Variants in KRIT1 observed in about 807,000 individuals in gnomAD.
The protein encoded by KRIT1 is KRIT1 ankyrin repeat containing.
In KRIT1, 45 loss-of-function variants were observed where a neutral mutation model predicts 95.8. The ratio of observed to expected loss-of-function variants is 0.47; its 90% CI spans 0.37 to 0.60. The LOEUF (loss-of-function observed/expected upper bound fraction) is 0.60. KRIT1 is among the 20% of genes least tolerant of loss of function. KRIT1 has a pLI of 0.00. For synonymous variants in KRIT1, 282 were observed against 278.8 expected (o/e 1.01, Z -0.11); for missense variants, 788 against 877.5 (o/e 0.90, Z 1.29).
rs541501341 is a variant in KRIT1 at position 92,229,665 on chromosome 7, G to A, written c.990-2983C>T. 3.3e-5 allele frequency among the ~76,000 whole-genome samples: 5 copies of A among 152,074 alleles called. 1 individual carries two copies. Among genetic ancestry groups the A allele is most frequent in the African/African-American group, 1.2e-4 (5 of 41,500 alleles). On this transcript the variant is annotated intron_variant, in intron 10 of 18. Transcript: ENST00000394505. ...TTAAATTCCATTATGCCTCTGAAACGGTTTAAAATCTATCTTCTCTATATT... is the reference window on the plus strand; with the variant it reads ...TTAAATTCCATTATGCCTCTGAAACAGTTTAAAATCTATCTTCTCTATATT...
rs763763051 is a variant in KRIT1 at position 92,214,560 on chromosome 7, A to T, written c.1730+51T>A. ...ATAACATTTTTAAACTTTCTTGGTT[A>T]AACAGAATCTTAAGCATAGCACAAG... On this transcript the variant is annotated intron_variant, in intron 15 of 18. Transcript: ENST00000394505. 2.4e-5 allele frequency: 33 copies of T among 1,376,380 alleles called. 1 individual carries two copies. The South Asian group carries it at 3.9e-4, about 16-fold the overall frequency. The allele number at this position is 1,376,380 out of a possible 1,614,324, so 85.3% of individuals were successfully genotyped here.
intron 17 of KRIT1, chr7:92,206,894 G>A (rs1475449351): frequency 1.0e-5 from 1 of 99,818 alleles, no homozygotes; most frequent in African/African-American, 3.9e-5. Context: ...AGATCAAGCA[G>A]AATAAAGAAT....
intron 12 of KRIT1, among the ~76,000 whole-genome samples, chr7:92,224,085 G>A (rs928431087): frequency 3.9e-5 from 6 of 152,084 alleles, no homozygotes; most frequent in Non-Finnish European, 7.4e-5. Flanking sequence ...GACAAAATGC[G>A]TGCGTGTGTG....
intron 17 of KRIT1, among the ~76,000 whole-genome samples, chr7:92,208,704 T>G (rs1792108390): frequency 6.6e-6 from 1 of 151,930 alleles, no homozygotes; most frequent in Non-Finnish European, 1.5e-5. Flanking sequence ...GGTAATGAGG[T>G]TGAATCAGGA....
At chr7:92,229,151 T>C (rs755817247) in intron 10 of KRIT1, among the ~76,000 whole-genome samples, 6 of 152,204 alleles carry the variant, frequency 3.9e-5, no homozygotes, top group Non-Finnish European at 7.3e-5. Flanking sequence ...TTTTAGCTCT[T>C]TGAGGAATTG....
In KRIT1 at chr7:92,236,490, T is replaced by C. The variant is rs777172003; in HGVS notation, c.408A>G (p.Gln136=). Residue 136 remains glutamine, a synonymous_variant, in exon 7 of 19, where the codon CAA becomes CAG. Coordinates refer to ENST00000394505, the MANE Select transcript of KRIT1 (RefSeq NM_194454.3). The stretch of plus-strand genomic sequence containing the variant: ...ATTCACTACAGACTCGCATAATATC[T>C]TGTAAGCAGTAAAAAATTGGGCATC... ...TPGCPIFYCL[Q]DIMRVCSESS... 2.5e-6 allele frequency: 4 copies of C among 1,586,448 alleles called. No individual in the cohort carries two copies. The South Asian group carries it at 4.4e-5, about 18-fold the overall frequency.
intron 3 of KRIT1, among the ~76,000 whole-genome samples, chr7:92,242,809 T>G (rs1463927011): frequency 2.6e-5 from 4 of 152,190 alleles, no homozygotes; most frequent in Non-Finnish European, 2.9e-5. Context: ...TCCTTGATAA[T>G]CCAAATTTTT....
intron 5 of KRIT1, among the ~76,000 whole-genome samples, chr7:92,240,085 A>G (rs761202570): frequency 5.9e-5 from 9 of 152,128 alleles, no homozygotes; most frequent in African/African-American, 1.2e-4. Flanking sequence ...TTCAGGCTCT[A>G]TTAGGGGAAG....
intron 18 of KRIT1, 133 bp from the exon 19 acceptor site, chr7:92,200,937 T>C: frequency 1.4e-6 from 1 of 703,706 alleles, no homozygotes; most frequent in East Asian, 2.7e-5. Flanking sequence ...TAAGAGAGAG[T>C]ATAGAGGGGG....
intron 10 of KRIT1, among the ~76,000 whole-genome samples, chr7:92,228,440 T>C (rs758377529): frequency 3.9e-5 from 6 of 152,186 alleles, no homozygotes; most frequent in Non-Finnish European, 5.9e-5. Flanking sequence ...AGCCCATTTT[T>C]AGAACTGATT....
intron 17 of KRIT1, among the ~76,000 whole-genome samples, chr7:92,211,594 ATAG>A (rs1479986864): frequency 1.3e-5 from 2 of 152,210 alleles, no homozygotes; most frequent in East Asian, 3.8e-4. Flanking sequence ...GCCGTGTTTC[ATAG>A]TACACTAGGG....
At chr7:92,225,054 G>A (rs946812503) in intron 12 of KRIT1, among the ~76,000 whole-genome samples, 3 of 152,066 alleles carry the variant, frequency 2.0e-5, no homozygotes, top group African/African-American at 7.2e-5. Context: ...CTACTCGGGA[G>A]GCTGAGGATA....
At chr7:92,240,155 C>T (rs551931052) in intron 5 of KRIT1, among the ~76,000 whole-genome samples, 1 of 152,230 alleles carries the variant, frequency 6.6e-6, no homozygotes, top group South Asian at 2.1e-4. Flanking sequence ...GAAACACAGG[C>T]TTATAGCTCA....
intron 10 of KRIT1, among the ~76,000 whole-genome samples, chr7:92,230,489 T>A (rs1220382953): frequency 6.6e-6 from 1 of 152,024 alleles, no homozygotes; most frequent in Non-Finnish European, 1.5e-5. Flanking sequence ...GGGAAACAGA[T>A]CAAAAACTCA....
chr7:92,236,557 T>C lies in KRIT1; in HGVS notation c.356-15A>G, dbSNP rs201650537. 1.3e-6 allele frequency: 2 copies of C among 1,482,776 alleles called. No individual in the cohort carries two copies. Among genetic ancestry groups the C allele is most frequent in the East Asian group, 2.3e-5 (1 of 44,120 alleles). 91.9% of individuals were successfully genotyped at this position (1,482,776 alleles called of 1,614,324 possible). ...TTTAGTATTATCTGAAAAAGAAAAATGAAGAATTATGCTACCATATAAAAG... is the reference window on the plus strand; with the variant it reads ...TTTAGTATTATCTGAAAAAGAAAAACGAAGAATTATGCTACCATATAAAAG... On this transcript the variant is annotated splice_polypyrimidine_tract_variant and intron_variant, in intron 6 of 18. Transcript: ENST00000394505.
intron 14 of KRIT1, among the ~76,000 whole-genome samples, chr7:92,220,141 A>G (rs562523761): frequency 6.6e-6 from 1 of 152,304 alleles, no homozygotes; most frequent in South Asian, 2.1e-4. Flanking sequence ...TTACCATTGA[A>G]TATGATATTA....
At chr7:92,235,790 T>C (rs1007484148) in intron 7 of KRIT1, 144 bp from the exon 8 acceptor site, 5 of 719,212 alleles carry the variant, frequency 7.0e-6, no homozygotes, top group Admixed American at 2.8e-5. Context: ...TTAAGTACTT[T>C]ATTATTTTTA....
At chr7:92,243,340 C>CT (rs1157144448) in intron 3 of KRIT1, among the ~76,000 whole-genome samples, 1 of 152,084 alleles carries the variant, frequency 6.6e-6, no homozygotes, top group East Asian at 1.9e-4. Context: ...TATTTTTTAT[C>CT]TTTTTTTGAA....
rs767246014 is a variant in KRIT1, at chr7:92,213,191, C to CT, written c.2025+3dup. ...TGATTGGTAAAAAAGAGCTGAAAAT[C>CT]TACCTTAGTTTCCATGTTGAGGAGA... is the stretch of plus-strand genomic sequence containing the variant. On this transcript the variant is annotated splice_donor_region_variant and intron_variant, in intron 17 of 18. Transcript: ENST00000394505. 1 of 1,593,662 alleles carries CT rather than the reference C, an allele frequency of 6.3e-7. No homozygotes were observed. Among genetic ancestry groups the CT allele is most frequent in the Non-Finnish European group, 8.6e-7 (1 of 1,161,798 alleles).
Sources: gnomAD v4.1 joint callset for allele counts (sites outside exome capture counted in the v4.1 genomes callset) on GRCh38, gnomAD v4.1.1 for gene constraint, MANE v1.5 for transcripts, NCBI Gene and HGNC (gene_info 2026-07-23, HGNC 2026-07-21) for gene names.